The following DSCAML1 variants were observed in gnomAD, a reference collection of about 807,000 sequenced individuals.
DSCAML1 encodes the protein DS cell adhesion molecule like 1, also known as cell adhesion molecule DSCAML1.
In DSCAML1, 38 loss-of-function variants were observed where a neutral mutation model predicts 200.5. That is an observed-to-expected ratio of 0.19 (90% CI 0.15 to 0.25). The LOEUF is 0.25. DSCAML1 is among the 10% of genes least tolerant of loss of function. The probability of loss-of-function intolerance (pLI) is 1.00; values close to 1 mark genes in which losing one functional copy is unlikely to be tolerated. For missense variants in DSCAML1, 2,223 were observed against 2,858.8 expected, an observed-to-expected ratio of 0.78 and a Z score of 5.07; for synonymous variants, 1,215 against 1,165.0, an observed-to-expected ratio of 1.04 and a Z score of -0.87.
At chr11:117,631,380 T>A (rs2052170108) in intron 3 of DSCAML1, among the ~76,000 whole-genome samples, 1 of 152,162 alleles carries the variant, frequency 6.6e-6, no homozygotes, top group Non-Finnish European at 1.5e-5. Context: ...CCTGGCTACA[T>A]CCACTATTCC....
intron 3 of DSCAML1, among the ~76,000 whole-genome samples, chr11:117,768,528 A>G (rs903813025): frequency 1.3e-5 from 2 of 152,184 alleles, no homozygotes; most frequent in African/African-American, 4.8e-5. Context: ...ATGCCAGATG[A>G]TGGAGAAGAC....
intron 3 of DSCAML1, among the ~76,000 whole-genome samples, chr11:117,772,066 T>C (rs1206577394): frequency 2.6e-5 from 4 of 152,092 alleles, no homozygotes; most frequent in Middle Eastern, 6.3e-3. Context: ...GGCAGGCCTA[T>C]GTCTGGCCTC....
At chr11:117,501,350 C>T (rs56316740) in intron 11 of DSCAML1, among the ~76,000 whole-genome samples, 1,565 of 152,250 alleles carry the variant, frequency 0.01, 26 homozygotes, top group African/African-American at 0.034. Context: ...ACTTCCACCC[C>T]GCCCCCCGAC....
chr11:117,792,449 C>T (rs1764385844), intron 1 of DSCAML1, among the ~76,000 whole-genome samples: 2 of 152,156 alleles, frequency 1.3e-5, no homozygotes, highest in African/African-American at 2.4e-5. Flanking sequence ...TTGACACGCC[C>T]TTCCCTCAGT....
At chr11:117,581,411 C>G (rs1443257951) in intron 3 of DSCAML1, among the ~76,000 whole-genome samples, 4 of 152,194 alleles carry the variant, frequency 2.6e-5, no homozygotes, top group Non-Finnish European at 5.9e-5. Context: ...AGATACAGAA[C>G]AGTTCCATCC....
chr11:117,546,409 G>A (rs2050374749), intron 3 of DSCAML1, among the ~76,000 whole-genome samples: 1 of 152,246 alleles, frequency 6.6e-6, no homozygotes, highest in Non-Finnish European at 1.5e-5. Context: ...ATCAGCAAGT[G>A]TTGAACAACT....
chr11:117,664,289 G>T lies in DSCAML1; in HGVS notation c.511+112502C>A, dbSNP rs1259082268. On this transcript the variant is annotated intron_variant, in intron 3 of 32. Transcript: ENST00000651296. ...CTACAACAATGACACTCTAAGGAGC[G>T]GTGGCTGCTGACAGGCTTTCTGAGC... Among the ~76,000 whole-genome samples the T allele has an allele frequency of 6.6e-5, 10 of 152,366 alleles. No individual in the cohort carries two copies. In the East Asian group the frequency reaches 1.7e-3, roughly 26 times the overall value.
At chr11:117,729,551 C>T (rs2054185900) in intron 3 of DSCAML1, among the ~76,000 whole-genome samples, 1 of 152,102 alleles carries the variant, frequency 6.6e-6, no homozygotes, top group Non-Finnish European at 1.5e-5. Context: ...GTGTAGAATA[C>T]ATAAAGAATT....
At position 117,498,440 on chromosome 11, in the gene DSCAML1, C is replaced by T. The variant is rs964418049; in HGVS notation, c.2359+5405G>A. Among the ~76,000 whole-genome samples, 1 of 152,126 alleles carries T rather than the reference C, an allele frequency of 6.6e-6. No homozygotes were observed. Among genetic ancestry groups the T allele is most frequent in the Non-Finnish European group, 1.5e-5 (1 of 68,024 alleles). On this transcript the variant is annotated intron_variant, in intron 11 of 32. Transcript: ENST00000651296. The surrounding 1 kb of genome is among the most constrained non-coding windows in gnomAD (Gnocchi z 4.0). The stretch of plus-strand genomic sequence containing the variant: ...ATTCCCTGGGTACCTGGACTGTGGT[C>T]TAGAAAGGGATTTGTGGGCTCTGAG...
chr11:117,522,064 G>A (rs766680986), intron 5 of DSCAML1, among the ~76,000 whole-genome samples: 5 of 152,222 alleles, frequency 3.3e-5, no homozygotes, highest in African/African-American at 4.8e-5. Flanking sequence ...AAGGGGTTCC[G>A]TTGTCACCAA....
intron 3 of DSCAML1, among the ~76,000 whole-genome samples, chr11:117,538,075 T>A (rs1341562337): frequency 1.3e-5 from 2 of 152,206 alleles, no homozygotes; most frequent in African/African-American, 4.8e-5. Context: ...TGTTTGTAGA[T>A]GAGAATCATC....
At chr11:117,588,600 G>A (rs773160286) in intron 3 of DSCAML1, among the ~76,000 whole-genome samples, 3 of 152,172 alleles carry the variant, frequency 2.0e-5, no homozygotes, top group Non-Finnish European at 2.9e-5. Context: ...TTCATGGCCC[G>A]TAGCCTTGCC....
chr11:117,485,397 C>G (rs1486472083), intron 11 of DSCAML1, among the ~76,000 whole-genome samples: 1 of 152,206 alleles, frequency 6.6e-6, no homozygotes, highest in Non-Finnish European at 1.5e-5. Flanking sequence ...GCATCACACA[C>G]CACAACTCTT....
At chr11:117,792,336 C>T (rs1358961515) in intron 1 of DSCAML1, among the ~76,000 whole-genome samples, 1 of 152,060 alleles carries the variant, frequency 6.6e-6, no homozygotes, top group African/African-American at 2.4e-5. Flanking sequence ...CAGACAAAAC[C>T]ATTCCCGAGG....
intron 32 of DSCAML1, among the ~76,000 whole-genome samples, chr11:117,430,521 A>T (rs2047764430): frequency 6.6e-6 from 1 of 152,238 alleles, no homozygotes. Context: ...AAGGCCACAG[A>T]CATAGGAAGA....
intron 3 of DSCAML1, among the ~76,000 whole-genome samples, chr11:117,652,164 G>A (rs2052646365): frequency 6.6e-6 from 1 of 152,212 alleles, no homozygotes; most frequent in South Asian, 2.1e-4. Context: ...AGTAGGGGAA[G>A]CCCCAACTTC....
intron 3 of DSCAML1, among the ~76,000 whole-genome samples, chr11:117,713,371 C>T (rs2053886969): frequency 6.6e-6 from 1 of 152,198 alleles, no homozygotes; most frequent in Admixed American, 6.5e-5. Flanking sequence ...CCGCCTTGAC[C>T]TCCCAAGGTG....
intron 15 of DSCAML1, 152 bp from the exon 16 acceptor site, chr11:117,470,132 C>G (rs1037792301): frequency 9.0e-6 from 5 of 553,912 alleles, no homozygotes; most frequent in Non-Finnish European, 1.5e-5. Context: ...TGTTTGAGTT[C>G]CCCTGAAAGT....
At chr11:117,724,831 C>T (rs1482387823) in intron 3 of DSCAML1, among the ~76,000 whole-genome samples, 2 of 152,194 alleles carry the variant, frequency 1.3e-5, no homozygotes, top group Non-Finnish European at 2.9e-5. Flanking sequence ...GCTCAGGAAA[C>T]AAGGAGCCTG....
Sources: allele counts gnomAD v4.1 joint callset (sites outside exome capture counted in the v4.1 genomes callset), GRCh38; gene constraint gnomAD v4.1.1; non-coding constraint Gnocchi (gnomAD v3.1); transcripts MANE v1.5; gene names NCBI Gene and HGNC (gene_info 2026-07-23, HGNC 2026-07-21).